WDR27: variants seen among roughly 807,000 people sequenced by gnomAD.
WDR27 encodes the protein WD repeat-containing protein 27.
Under a neutral mutation model 114.4 loss-of-function variants are expected in WDR27, and 100 were observed. The ratio of observed to expected loss-of-function variants is 0.87; its 90% CI spans 0.74 to 1.03. The LOEUF is 1.03. Ranked by LOEUF, WDR27 falls within the 50% of genes least tolerant of loss-of-function variation. The pLI is 0.00. For missense variants in WDR27, 1,129 were observed against 1,092.9 expected (o/e 1.03, Z -0.47); for synonymous variants, 449 against 423.1 (o/e 1.06, Z -0.75).
chr6:169,559,640 G>A (rs1799400471), intron 25 of WDR27: 1 of 152,162 alleles, frequency 6.6e-6, no homozygotes, highest in Non-Finnish European at 1.5e-5. Context: ...TCCAGTTCCC[G>A]AGTGTCCATA....
chr6:169,554,640 C>T (rs1798625380), intron 25 of WDR27, among the ~76,000 whole-genome samples: 1 of 152,144 alleles, frequency 6.6e-6, no homozygotes, highest in Admixed American at 6.5e-5. Context: ...GGCTTCTGTG[C>T]CACCCGGTTC....
intron 22 of WDR27, among the ~76,000 whole-genome samples, chr6:169,609,554 C>A (rs148183184): frequency 1.3e-4 from 20 of 152,170 alleles, no homozygotes; most frequent in Admixed American, 9.8e-4. Context: ...ATGGCTGGAG[C>A]GGCTGGGACA....
chr6:169,539,100 C>T (rs1482597893), intron 25 of WDR27, among the ~76,000 whole-genome samples: 1 of 152,206 alleles, frequency 6.6e-6, no homozygotes, highest in Non-Finnish European at 1.5e-5. Flanking sequence ...TGGATGCACA[C>T]TGTCCTTTCA....
At position 169,667,206 on chromosome 6, in the gene WDR27, T is replaced by C; in HGVS notation, c.661-19A>G. The C allele has an allele frequency of 1.3e-6, 2 of 1,502,230 alleles. No homozygotes were observed. Among genetic ancestry groups the C allele is most frequent in the Non-Finnish European group, 1.8e-6 (2 of 1,127,934 alleles). The allele number at this position is 1,502,230 out of a possible 1,614,324, so 93.1% of individuals were successfully genotyped here. ...CCCAGACCTTTGGATAAACACAGGA[T>C]TCTTTAGAAGAGGTAACAACGTTGC... is the stretch of plus-strand genomic sequence containing the variant. On this transcript the variant is annotated intron_variant, in intron 5 of 25. Coordinates refer to ENST00000448612, the MANE Select transcript of WDR27 (RefSeq NM_182552.5).
At chr6:169,537,860 G>T (rs2128088384) in intron 25 of WDR27, among the ~76,000 whole-genome samples, 1 of 152,202 alleles carries the variant, frequency 6.6e-6, no homozygotes, top group African/African-American at 2.4e-5. Flanking sequence ...AAGGGTTTGG[G>T]TTATGTATTA....
At chr6:169,536,007 C>T (rs1000781705) in intron 25 of WDR27, among the ~76,000 whole-genome samples, 1 of 152,130 alleles carries the variant, frequency 6.6e-6, no homozygotes, top group Non-Finnish European at 1.5e-5. Flanking sequence ...ACACACAAGG[C>T]TGAGAGATCA....
the WDR27 span, among the ~76,000 whole-genome samples, chr6:169,428,551 G>C: frequency 7.3e-6 from 1 of 137,506 alleles, no homozygotes; most frequent in East Asian, 2.3e-4. Flanking sequence ...GGAAACCACG[G>C]GTTAAATCAA....
intron 21 of WDR27, among the ~76,000 whole-genome samples, chr6:169,627,797 CAGGCCTGGAGT>C (rs1018987102): frequency 2.6e-5 from 4 of 152,302 alleles, no homozygotes; most frequent in South Asian, 2.1e-4. Context: ...AGGAACTAGG[CAGGCCTGGAGT>C]CCAACTCCCA....
intron 15 of WDR27, 48 bp downstream of exon 15, chr6:169,649,150 G>A (rs780742112): frequency 3.2e-5 from 48 of 1,478,864 alleles, no homozygotes; most frequent in Non-Finnish European, 4.3e-5. Flanking sequence ...GTGTTGGAAA[G>A]GTCTAGGTTA....
At chr6:169,515,567 A>AACTT (rs1270408364) in intron 25 of WDR27, among the ~76,000 whole-genome samples, 2 of 152,116 alleles carry the variant, frequency 1.3e-5, no homozygotes, top group Non-Finnish European at 2.9e-5. Flanking sequence ...TTATTTTAAA[A>AACTT]ACTTAAGAGT....
At chr6:169,654,770 CAGA>C (rs1422592178) in intron 13 of WDR27, among the ~76,000 whole-genome samples, 2 of 139,298 alleles carry the variant, frequency 1.4e-5, no homozygotes, top group African/African-American at 2.7e-5. Flanking sequence ...GCGCGCACAG[CAGA>C]AGGAGGCGCG....
chr6:169,617,750 C>CGTGG (rs1812205226), intron 21 of WDR27, among the ~76,000 whole-genome samples: 4 of 152,098 alleles, frequency 2.6e-5, no homozygotes, highest in African/African-American at 9.7e-5. Flanking sequence ...TTACTGTACA[C>CGTGG]ATGGCTGGCA....
At chr6:169,602,418 G>A in intron 22 of WDR27, 97 bp from the exon 23 acceptor site, 2 of 738,084 alleles carry the variant, frequency 2.7e-6, no homozygotes, top group South Asian at 3.7e-5. Context: ...TTCACAAAAA[G>A]GAACAAAAGA....
chr6:169,590,376 A>G lies in WDR27; in HGVS notation c.2425-7442T>C, dbSNP rs1004992859. On this transcript the variant is annotated intron_variant, in intron 23 of 25. Coordinates refer to ENST00000448612, the MANE Select transcript of WDR27 (RefSeq NM_182552.5). ...ATTTTGCTTTTGAAAATAATTCCAG[A>G]AATGATATTTTCTGAATATTCTGCA... 9.2e-5 allele frequency among the ~76,000 whole-genome samples: 14 copies of G among 152,252 alleles called. 1 individual carries two copies. The highest frequency in any genetic ancestry group is 3.1e-4 in the African/African-American group (13 of 41,468).
intron 1 of WDR27, among the ~76,000 whole-genome samples, chr6:169,695,326 C>T (rs1284846043): frequency 3.3e-5 from 5 of 152,140 alleles, no homozygotes; most frequent in Non-Finnish European, 7.4e-5. Flanking sequence ...GCCTGAACAA[C>T]AAGAGACCCC....
intron 25 of WDR27, among the ~76,000 whole-genome samples, chr6:169,509,143 T>A (rs960485628): frequency 6.6e-6 from 1 of 152,134 alleles, no homozygotes; most frequent in Admixed American, 6.5e-5. Flanking sequence ...TACAAACAAA[T>A]GGAAGAACAT....
In WDR27 at chr6:169,638,638, G is replaced by A. The variant is rs536834555; in HGVS notation, c.1770C>T (p.Ala590=). 4.4e-5 allele frequency: 71 copies of A among 1,605,248 alleles called. No individual in the cohort carries two copies. Among genetic ancestry groups the A allele is most frequent in the South Asian group, 2.6e-4 (23 of 89,442 alleles). ...ACCTCCGGTCCTGGCTCCAGCACAC[G>A]GCATTCACTGCCCCGTCGTGACCTA... ...VFSGHDGAVN[A]VCWSQDRRWL... is the part of the protein sequence containing the mutation. The change falls in exon 18 of 26, where the codon GCC becomes GCT. Residue 590 remains alanine (A), a synonymous_variant. Transcript: ENST00000448612.
chr6:169,673,525 G>A (rs1315768781), intron 2 of WDR27, among the ~76,000 whole-genome samples: 1 of 151,838 alleles, frequency 6.6e-6, no homozygotes. Context: ...GAAGAATTAT[G>A]GTAACAAGAT....
intron 25 of WDR27, among the ~76,000 whole-genome samples, chr6:169,500,165 C>T (rs1455662909): frequency 1.3e-5 from 2 of 152,172 alleles, no homozygotes; most frequent in East Asian, 3.9e-4. Context: ...GAGATTAGCA[C>T]CACAATCAAA....
Sources: gnomAD v4.1 joint callset for allele counts (sites outside exome capture counted in the v4.1 genomes callset) on GRCh38, gnomAD v4.1.1 for gene constraint, MANE v1.5 for transcripts, NCBI Gene and HGNC (gene_info 2026-07-23, HGNC 2026-07-21) for gene names.